The following DMD variants were observed in gnomAD, a reference collection of about 807,000 sequenced individuals.
DMD encodes dystrophin, also known as mutant dystrophin.
A neutral mutation model predicts 330.1 loss-of-function variants in DMD; 63 were observed. That is an observed-to-expected ratio of 0.19 (90% CI 0.16 to 0.24). The LOEUF is 0.24. Among genes scored for constraint, DMD ranks in the 10% least tolerant of loss-of-function variants. The pLI is 1.00. For synonymous variants in DMD, 1,223 were observed against 959.8 expected, an observed-to-expected ratio of 1.27 and a Z score of -5.07; for missense variants, 3,344 against 2,684.1, an observed-to-expected ratio of 1.25 and a Z score of -5.43.
intron 59 of DMD, 104 bp downstream of exon 59, chrX:31,478,002 T>C (rs2067930071): frequency 5.4e-6 from 5 of 933,684 alleles, no homozygotes; most frequent in African/African-American, 2.0e-5. Context: ...ACGGACTGAT[T>C]TCTCTAGCTT....
intron 45 of DMD, among the ~76,000 whole-genome samples, chrX:31,964,596 A>AGT (rs59973399): frequency 0.13 from 13,108 of 99,408 alleles, 1,009 homozygotes; most frequent in African/African-American, 0.26. Flanking sequence ...AATGTTAAAA[A>AGT]GTGTGTGTGT....
intron 62 of DMD, among the ~76,000 whole-genome samples, chrX:31,318,029 C>T (rs1040095812): frequency 8.9e-5 from 10 of 112,048 alleles, no homozygotes; most frequent in African/African-American, 2.9e-4. Flanking sequence ...AATCAACCAA[C>T]CAAAACTTGA....
intron 1 of DMD, among the ~76,000 whole-genome samples, chrX:33,337,892 G>A (rs1367323254): frequency 1.8e-5 from 2 of 111,748 alleles, no homozygotes; most frequent in South Asian, 7.4e-4. Flanking sequence ...AATTACTACA[G>A]AAAAGGCACA....
At chrX:31,537,377 C>T (rs2147580350) in intron 55 of DMD, among the ~76,000 whole-genome samples, 1 of 111,725 alleles carries the variant, frequency 9.0e-6, no homozygotes, top group Non-Finnish European at 1.9e-5. Flanking sequence ...GGGTTCACTC[C>T]TAGGCCCTCT....
chrX:33,141,306 G>A (rs1405220662), intron 1 of DMD, among the ~76,000 whole-genome samples: 2 of 111,149 alleles, frequency 1.8e-5, no homozygotes, highest in Non-Finnish European at 3.8e-5. Flanking sequence ...CTGGAGTCAG[G>A]AATATGTCCC....
At chrX:32,624,901 C>A (rs895652161) in intron 11 of DMD, among the ~76,000 whole-genome samples, 2 of 111,895 alleles carry the variant, frequency 1.8e-5, no homozygotes, top group African/African-American at 6.5e-5. Context: ...CGGCTGGGTG[C>A]GATGGCTCAC....
At chrX:32,542,356 C>G (rs2048566135) in intron 17 of DMD, among the ~76,000 whole-genome samples, 1 of 111,700 alleles carries the variant, frequency 9.0e-6, no homozygotes, top group Non-Finnish European at 1.9e-5. Context: ...TGCTTGAAAC[C>G]AGGAGGCGGA....
intron 44 of DMD, among the ~76,000 whole-genome samples, chrX:32,086,270 G>A (rs1479771357): frequency 8.9e-6 from 1 of 111,858 alleles, no homozygotes; most frequent in African/African-American, 3.2e-5. Flanking sequence ...GCATATACTT[G>A]TGATACGTGC....
chrX:32,731,045 T>C (rs1165077336), intron 7 of DMD, among the ~76,000 whole-genome samples: 2 of 111,476 alleles, frequency 1.8e-5, no homozygotes, highest in African/African-American at 6.5e-5. Context: ...CGCAGCTCAG[T>C]GGGTGCGTGC....
intron 53 of DMD, among the ~76,000 whole-genome samples, chrX:31,663,765 C>T: frequency 9.0e-6 from 1 of 110,754 alleles, no homozygotes; most frequent in Non-Finnish European, 1.9e-5. Context: ...ACATGAGTGT[C>T]TCTCTCATCT....
intron 1 of DMD, among the ~76,000 whole-genome samples, chrX:33,176,083 G>A (rs1305850397): frequency 1.8e-5 from 2 of 111,163 alleles, no homozygotes; most frequent in African/African-American, 3.3e-5. Flanking sequence ...AGAGCCTTTC[G>A]CATAGACATC....
intron 41 of DMD, among the ~76,000 whole-genome samples, chrX:32,318,434 A>G (rs1477924983): frequency 8.9e-6 from 1 of 111,783 alleles, no homozygotes; most frequent in Non-Finnish European, 1.9e-5. Context: ...GCATGACAAT[A>G]ACAGCATTCT....
chrX:31,548,944 A>T (rs867776729), intron 55 of DMD, among the ~76,000 whole-genome samples: 16 of 110,457 alleles, frequency 1.4e-4, no homozygotes, highest in Admixed American at 2.9e-4. Flanking sequence ...ATTTTTTTTA[A>T]AAAAAAAACA....
intron 29 of DMD, among the ~76,000 whole-genome samples, chrX:32,423,736 A>G (rs1044058487): frequency 1.8e-5 from 2 of 111,150 alleles, no homozygotes; most frequent in African/African-American, 3.3e-5. Context: ...TAAAATAAGA[A>G]TTAAACACAT....
chrX:32,684,002 CACACACACACATACAT>C (rs1474062513), intron 9 of DMD, among the ~76,000 whole-genome samples: 967 of 82,849 alleles, frequency 0.012, 12 homozygotes, highest in African/African-American at 0.051. Flanking sequence ...ACAAAACACA[CACACACACACATACAT>C]ACACACACAC....
intron 37 of DMD, among the ~76,000 whole-genome samples, chrX:32,357,613 T>C (rs2097807847): frequency 9.2e-6 from 1 of 108,980 alleles, no homozygotes; most frequent in African/African-American, 3.4e-5. Flanking sequence ...AGTGGAATTC[T>C]CCTCACAACT....
chrX:31,203,670 C>G (rs2043760962), intron 67 of DMD, among the ~76,000 whole-genome samples: 2 of 112,245 alleles, frequency 1.8e-5, no homozygotes. Context: ...CATAGGATTT[C>G]TGTGGCTAGA....
At chrX:31,839,498 G>A (rs932535581) in intron 48 of DMD, among the ~76,000 whole-genome samples, 4 of 112,048 alleles carry the variant, frequency 3.6e-5, no homozygotes, top group Non-Finnish European at 7.5e-5. Flanking sequence ...TAAATAATCT[G>A]CTAGAGTTAA....
intron 33 of DMD, among the ~76,000 whole-genome samples, chrX:32,384,478 A>C (rs2097945013): frequency 9.0e-6 from 1 of 111,144 alleles, no homozygotes; most frequent in Non-Finnish European, 1.9e-5. Flanking sequence ...TCTTATTTTG[A>C]AACAAAGTAG....
Sources: allele counts gnomAD v4.1 joint callset (sites outside exome capture counted in the v4.1 genomes callset), GRCh38; gene constraint gnomAD v4.1.1; transcripts MANE v1.5; gene names NCBI Gene and HGNC (gene_info 2026-07-23, HGNC 2026-07-21).